Variants in C9 observed in about 807,000 individuals in gnomAD.
C9 encodes complement component C9.
C9 carries 63 observed loss-of-function variants against 65.4 expected under a neutral mutation model. That is an observed-to-expected ratio of 0.96 (90% confidence interval 0.79 to 1.19). The LOEUF (loss-of-function observed/expected upper bound fraction) is 1.19, where lower values mean the gene tolerates loss of function less well. Among genes scored for constraint, C9 ranks in the 50% most tolerant of loss-of-function variants. The probability of loss-of-function intolerance (pLI) is 0.00; values close to 1 mark genes in which losing one functional copy is unlikely to be tolerated. For missense variants in C9, 744 were observed against 670.1 expected (o/e 1.11, Z -1.22); for synonymous variants, 229 against 227.9 (o/e 1.00, Z -0.04).
At chr5:39,285,827 G>A (rs1752982591) in intron 10 of C9, among the ~76,000 whole-genome samples, 2 of 151,974 alleles carry the variant, frequency 1.3e-5, no homozygotes, top group African/African-American at 4.8e-5. Context: ...TTAGTTGAGG[G>A]AGAGAAAGTT....
rs564339553 is a variant in C9, at chr5:39,303,120, T to C, written c.1416+3497A>G. ...TCTTCCAGGCAATCTATAATAAATG[T>C]AATTTCTCTTAGCTGACATTTTAAT... On this transcript the variant is annotated intron_variant, in intron 9 of 10. Coordinates refer to ENST00000263408, the MANE Select transcript of C9 (RefSeq NM_001737.5). Among the ~76,000 whole-genome samples the C allele has an allele frequency of 2.8e-4, 43 of 152,322 alleles. No individual in the cohort carries two copies. In the South Asian group the frequency reaches 8.5e-3, roughly 30 times the overall value.
chr5:39,298,942 C>T (rs1561333821), intron 9 of C9, among the ~76,000 whole-genome samples: 3 of 151,658 alleles, frequency 2.0e-5, no homozygotes, highest in Non-Finnish European at 4.4e-5. Flanking sequence ...AAGTGAAAAA[C>T]CATATGATCA....
chr5:39,361,725 C>T (rs1754524943), intron 1 of C9, among the ~76,000 whole-genome samples: 1 of 152,178 alleles, frequency 6.6e-6, no homozygotes, highest in Non-Finnish European at 1.5e-5. Context: ...AACATTGATG[C>T]TCTACCTTGA....
At chr5:39,353,185 T>A (rs913199365) in intron 1 of C9, among the ~76,000 whole-genome samples, 3 of 152,222 alleles carry the variant, frequency 2.0e-5, no homozygotes, top group Admixed American at 6.5e-5. Flanking sequence ...AGCAAGGACA[T>A]GATTTTTCTT....
chr5:39,299,479 C>A (rs1280189449), intron 9 of C9, among the ~76,000 whole-genome samples: 2 of 152,024 alleles, frequency 1.3e-5, no homozygotes, highest in Non-Finnish European at 2.9e-5. Context: ...TATCATGGAA[C>A]TACATATAAT....
chr5:39,312,720 T>C (rs1277499311), intron 6 of C9, among the ~76,000 whole-genome samples: 2 of 152,186 alleles, frequency 1.3e-5, no homozygotes, highest in East Asian at 3.8e-4. Context: ...AATGGATCTT[T>C]TGAGGGTCTC....
intron 9 of C9, among the ~76,000 whole-genome samples, chr5:39,304,498 T>C (rs996021504): frequency 6.6e-6 from 1 of 152,146 alleles, no homozygotes; most frequent in African/African-American, 2.4e-5. Flanking sequence ...TCTACCTGAA[T>C]TATGAGAGTA....
intron 10 of C9, among the ~76,000 whole-genome samples, chr5:39,288,283 C>T (rs906664382): frequency 1.3e-5 from 2 of 151,414 alleles, no homozygotes; most frequent in Non-Finnish European, 3.0e-5. Flanking sequence ...GGATGTGGTA[C>T]AAAGTAATTA....
At chr5:39,292,156 A>G (rs1343827560) in intron 9 of C9, among the ~76,000 whole-genome samples, 2 of 151,832 alleles carry the variant, frequency 1.3e-5, no homozygotes, top group African/African-American at 4.8e-5. Context: ...AGCAGAATAA[A>G]TATACATCTC....
intron 10 of C9, among the ~76,000 whole-genome samples, chr5:39,287,969 A>G (rs1753022116): frequency 6.6e-6 from 1 of 151,932 alleles, no homozygotes; most frequent in African/African-American, 2.4e-5. Flanking sequence ...TACCCTTTAA[A>G]TTCATAATAA....
chr5:39,314,001 G>A (rs989589480), intron 6 of C9, among the ~76,000 whole-genome samples: 1 of 152,062 alleles, frequency 6.6e-6, no homozygotes, highest in Admixed American at 6.6e-5. Flanking sequence ...CTCTATAATT[G>A]TCCTATCTGA....
Position 39,341,666 on chromosome 5 carries a change from A to T in C9, c.218T>A (p.Phe73Tyr), listed in dbSNP as rs1237341499. 1 of 1,613,994 alleles carries T rather than the reference A, an allele frequency of 6.2e-7. No individual in the cohort carries two copies. The highest frequency in any genetic ancestry group is 1.1e-5 in the South Asian group (1 of 91,074). Residue 73 changes from phenylalanine (F) to tyrosine (Y), a missense_variant, in exon 3 of 11, where the codon TTT (phenylalanine) becomes TAT (tyrosine). By Grantham distance (22) the Phe-to-Tyr change is conservative. Transcript: ENST00000263408. ...AGCGTCGGTGCATCTTTTCCCATTA[A>T]ATTGTCCAAAGACCTCAATGCTTCT... ...RSRSIEVFGQ[F>Y]NGKRCTDAVG... is the part of the protein sequence containing the mutation.
chr5:39,339,514 A>G (rs1477045251), intron 4 of C9, among the ~76,000 whole-genome samples: 3 of 152,054 alleles, frequency 2.0e-5, no homozygotes. Flanking sequence ...CAACCTCGGC[A>G]CTGACGCTTT....
Position 39,364,375 on chromosome 5 carries a change from GT to G in C9, c.77+12del. 6.6e-7 allele frequency: 1 copy of G among 1,518,492 alleles called. No individual in the cohort carries two copies. Among genetic ancestry groups the G allele is most frequent in the Non-Finnish European group, 9.2e-7 (1 of 1,092,716 alleles). 94.1% of individuals were successfully genotyped at this position (1,518,492 alleles called of 1,614,324 possible). Reference sequence around the variant, plus strand: ...GAAACTTCCAGAGACAAGCAGAAAAGTAACTGACTCACCTGGTCGTGTACTG... The same window carrying G: ...GAAACTTCCAGAGACAAGCAGAAAAGAACTGACTCACCTGGTCGTGTACTG... On this transcript the variant is annotated intron_variant, in intron 1 of 10. Transcript: ENST00000263408.
In C9 at chr5:39,311,305, G is replaced by C. The variant is rs1262841096; in HGVS notation, c.943C>G (p.Leu315Val). 9 of 1,612,004 alleles carry C rather than the reference G, an allele frequency of 5.6e-6. No homozygotes were observed. Among genetic ancestry groups the C allele is most frequent in the Non-Finnish European group, 7.6e-6 (9 of 1,178,210 alleles). The change falls in exon 7 of 11, where the codon CTC becomes GTC. Residue 315 changes from leucine to valine, a missense_variant. Transcript: ENST00000263408. ...ATATCATCCACAAAAGTTGTTGTGA[G>C]CACAACATCGCGATTTCTCATTACA... The part of the protein sequence containing the change: ...RFVMRNRDVV[L>V]TTTFVDDIKA...
intron 3 of C9, 75 bp from the exon 4 acceptor site, chr5:39,341,368 A>G: frequency 1.3e-6 from 2 of 1,553,050 alleles, no homozygotes; most frequent in South Asian, 1.1e-5. Context: ...TATCAAATGC[A>G]TTTTAACCCT....
chr5:39,357,916 G>A (rs988082083), intron 1 of C9, among the ~76,000 whole-genome samples: 2 of 152,166 alleles, frequency 1.3e-5, no homozygotes, highest in Admixed American at 6.5e-5. Context: ...ATATTTGCTT[G>A]AAAGCCTTTC....
intron 1 of C9, among the ~76,000 whole-genome samples, chr5:39,357,965 G>C (rs566343316): frequency 6.0e-5 from 9 of 150,096 alleles, no homozygotes; most frequent in Non-Finnish European, 1.0e-4. Flanking sequence ...ATGGGGTGGA[G>C]AGAGAGAGAG....
At chr5:39,306,058 G>A (rs1303240026) in intron 9 of C9, among the ~76,000 whole-genome samples, 1 of 151,654 alleles carries the variant, frequency 6.6e-6, no homozygotes, top group African/African-American at 2.4e-5. Flanking sequence ...AGCTACTGAG[G>A]AGGCTGAGGC....
Sources: allele counts gnomAD v4.1 joint callset (sites outside exome capture counted in the v4.1 genomes callset), GRCh38; gene constraint gnomAD v4.1.1; transcripts MANE v1.5; gene names NCBI Gene and HGNC (gene_info 2026-07-23, HGNC 2026-07-21).